The following SPAG16 variants were observed in gnomAD, a reference collection of about 807,000 sequenced individuals.
SPAG16 encodes the protein sperm associated antigen 16.
A neutral mutation model predicts 80.4 loss-of-function variants in SPAG16; 86 were observed. The observed-to-expected ratio is 1.07, with a 90% confidence interval of 0.90 to 1.28. SPAG16 has a LOEUF of 1.28. SPAG16 is among the 50% of genes most tolerant of loss of function. SPAG16 has a pLI of 0.00. For missense variants in SPAG16, 870 were observed against 765.3 expected (o/e 1.14, Z -1.61); for synonymous variants, 294 against 265.9 (o/e 1.11, Z -1.03).
At chr2:213,775,538 T>C (rs2069519383) in intron 10 of SPAG16, among the ~76,000 whole-genome samples, 1 of 152,208 alleles carries the variant, frequency 6.6e-6, no homozygotes, top group South Asian at 2.1e-4. Flanking sequence ...ACAGTATTGC[T>C]ATCTATAGGC....
At chr2:213,305,071 T>C (rs749576348) in intron 3 of SPAG16, among the ~76,000 whole-genome samples, 7 of 152,144 alleles carry the variant, frequency 4.6e-5, no homozygotes, top group Non-Finnish European at 8.8e-5. Context: ...TTTATAGCTT[T>C]CATTGTAGAG....
chr2:214,077,557 G>A (rs1438176184), intron 13 of SPAG16, among the ~76,000 whole-genome samples: 1 of 152,190 alleles, frequency 6.6e-6, no homozygotes, highest in East Asian at 1.9e-4. Context: ...CACTTGTCCT[G>A]AGAGTGCTGA....
intron 10 of SPAG16, among the ~76,000 whole-genome samples, chr2:213,588,611 G>A (rs1328743229): frequency 6.6e-6 from 1 of 150,532 alleles, no homozygotes; most frequent in Non-Finnish European, 1.5e-5. Context: ...GACCATCCTG[G>A]CTAACAAGGT....
chr2:213,918,934 T>C (rs1179782639), intron 11 of SPAG16, among the ~76,000 whole-genome samples: 2 of 152,150 alleles, frequency 1.3e-5, no homozygotes, highest in Non-Finnish European at 2.9e-5. Context: ...GTATTCGTAA[T>C]AGTCTCTGAT....
At chr2:214,206,727 C>T (rs756757584) in intron 15 of SPAG16, among the ~76,000 whole-genome samples, 85 of 152,252 alleles carry the variant, frequency 5.6e-4, no homozygotes, top group Non-Finnish European at 8.2e-4. Flanking sequence ...TACTAAGTTA[C>T]ATTCCTACCA....
chr2:213,826,340 T>A (rs2073299942), intron 10 of SPAG16, among the ~76,000 whole-genome samples: 2 of 151,868 alleles, frequency 1.3e-5, no homozygotes, highest in South Asian at 4.1e-4. Context: ...CATGAGGTTG[T>A]TTATGTGTAG....
chr2:213,954,275 A>G (rs1397114234), intron 12 of SPAG16, among the ~76,000 whole-genome samples: 1 of 152,058 alleles, frequency 6.6e-6, no homozygotes, highest in Non-Finnish European at 1.5e-5. Flanking sequence ...TATAAATGGA[A>G]TCATATAATA....
At chr2:213,358,986 T>C (rs2065828560) in intron 7 of SPAG16, among the ~76,000 whole-genome samples, 1 of 152,216 alleles carries the variant, frequency 6.6e-6, no homozygotes, top group African/African-American at 2.4e-5. Context: ...TTTCTGTTTG[T>C]TAGTTTTCCT....
chr2:213,515,738 A>G (rs1016860731), intron 10 of SPAG16, among the ~76,000 whole-genome samples: 3 of 152,160 alleles, frequency 2.0e-5, no homozygotes, highest in Admixed American at 1.3e-4. Context: ...CATCAGAACA[A>G]ATATAATGAG....
chr2:214,144,138 T>C (rs1330812656), intron 14 of SPAG16, among the ~76,000 whole-genome samples: 1 of 151,970 alleles, frequency 6.6e-6, no homozygotes, highest in Admixed American at 6.6e-5. Context: ...CAGAACAAGA[T>C]CCTATCTCAA....
intron 10 of SPAG16, among the ~76,000 whole-genome samples, chr2:213,681,797 A>G (rs2064401068): frequency 6.6e-6 from 1 of 152,108 alleles, no homozygotes; most frequent in South Asian, 2.1e-4. Context: ...TAAAACTTTA[A>G]TTTTTTAACT....
intron 10 of SPAG16, among the ~76,000 whole-genome samples, chr2:213,788,812 T>G (rs2070504055): frequency 6.6e-6 from 1 of 151,892 alleles, no homozygotes; most frequent in South Asian, 2.1e-4. Flanking sequence ...TATATTTGTT[T>G]TTGTTTGCTT....
chr2:213,707,240 T>C (rs1027127290), intron 10 of SPAG16, among the ~76,000 whole-genome samples: 6 of 152,216 alleles, frequency 3.9e-5, no homozygotes, highest in African/African-American at 1.2e-4. Flanking sequence ...CCTGTCATGA[T>C]ATGACAATTT....
At position 214,369,580 on chromosome 2, in the gene SPAG16, A is replaced by ATAAT. The variant is rs553913380; in HGVS notation, c.1721-40558_1721-40555dup. Among the ~76,000 whole-genome samples the ATAAT allele has an allele frequency of 5.3e-4, 81 of 152,010 alleles. 1 individual carries two copies. Among genetic ancestry groups the ATAAT allele is most frequent in the East Asian group, 3.1e-3 (16 of 5,172 alleles). On this transcript the variant is annotated intron_variant, in intron 15 of 15. Coordinates refer to ENST00000331683, the MANE Select transcript of SPAG16 (RefSeq NM_024532.5). ...TCGGCTCTTTTTCTCATTCTCTACA[A>ATAAT]TAATTTATTTCAATGTTTTCTTTAG...
intron 14 of SPAG16, among the ~76,000 whole-genome samples, chr2:214,135,733 C>G (rs1010960520): frequency 6.6e-6 from 1 of 151,582 alleles, no homozygotes; most frequent in African/African-American, 2.4e-5. Context: ...GTCTCTCTCT[C>G]TCTCTCTCTC....
At chr2:213,870,986 A>G (rs1357026916) in intron 11 of SPAG16, among the ~76,000 whole-genome samples, 2 of 152,198 alleles carry the variant, frequency 1.3e-5, no homozygotes, top group Non-Finnish European at 2.9e-5. Flanking sequence ...ATGCGAGACC[A>G]GAAATGTAGT....
chr2:213,908,013 A>G (rs2077501299), intron 11 of SPAG16, among the ~76,000 whole-genome samples: 1 of 152,246 alleles, frequency 6.6e-6, no homozygotes, highest in Non-Finnish European at 1.5e-5. Flanking sequence ...AGGATTTTGA[A>G]TATTCCCAAC....
chr2:213,492,346 T>G (rs113957813), intron 10 of SPAG16, among the ~76,000 whole-genome samples: 6 of 152,024 alleles, frequency 3.9e-5, no homozygotes, highest in Non-Finnish European at 5.9e-5. Flanking sequence ...TAGGTCAGAT[T>G]GAGACCATCC....
intron 15 of SPAG16, among the ~76,000 whole-genome samples, chr2:214,383,757 T>G (rs1700594514): frequency 6.6e-6 from 1 of 152,034 alleles, no homozygotes; most frequent in African/African-American, 2.4e-5. Flanking sequence ...AGAGAGATTA[T>G]GTAAACCACA....
Sources: gnomAD v4.1 joint callset for allele counts (sites outside exome capture counted in the v4.1 genomes callset) on GRCh38, gnomAD v4.1.1 for gene constraint, MANE v1.5 for transcripts, NCBI Gene and HGNC (gene_info 2026-07-23, HGNC 2026-07-21) for gene names.